ADAMTSL1: variants seen among roughly 807,000 people sequenced by gnomAD.
ADAMTSL1 encodes ADAMTS like 1.
In ADAMTSL1, 126 loss-of-function variants were observed where a neutral mutation model predicts 201.8. The observed-to-expected ratio is 0.62, with a 90% CI of 0.54 to 0.72. The LOEUF is 0.72. Among genes scored for constraint, ADAMTSL1 ranks in the 30% least tolerant of loss-of-function variants. The pLI is 0.00. For missense variants in ADAMTSL1, 2,679 were observed against 2,277.8 expected (o/e 1.18, Z -3.59); for synonymous variants, 1,121 against 903.4 (o/e 1.24, Z -4.32).
intron 1 of ADAMTSL1, among the ~76,000 whole-genome samples, chr9:18,156,733 A>G (rs1827170888): frequency 6.6e-6 from 1 of 151,926 alleles, no homozygotes; most frequent in African/African-American, 2.4e-5. Flanking sequence ...TCCACCTAGG[A>G]TTGGAGTACA....
chr9:18,820,972 T>A (rs1824174456), intron 21 of ADAMTSL1, among the ~76,000 whole-genome samples: 1 of 152,180 alleles, frequency 6.6e-6, no homozygotes, highest in African/African-American at 2.4e-5. Flanking sequence ...GGTGTGGCTA[T>A]AATATCAAGA....
intron 2 of ADAMTSL1, among the ~76,000 whole-genome samples, chr9:18,177,572 T>C (rs916386190): frequency 3.3e-5 from 5 of 152,190 alleles, no homozygotes; most frequent in African/African-American, 1.2e-4. Context: ...TATTCTACTT[T>C]CCTTCTAAGT....
At chr9:17,929,420 C>T (rs1826689062) in intron 1 of ADAMTSL1, among the ~76,000 whole-genome samples, 1 of 151,974 alleles carries the variant, frequency 6.6e-6, no homozygotes, top group African/African-American at 2.4e-5. Context: ...GCATTATTGC[C>T]CCCATTGAGA....
At chr9:18,404,971 A>T (rs1427207638) in intron 2 of ADAMTSL1, among the ~76,000 whole-genome samples, 1 of 151,980 alleles carries the variant, frequency 6.6e-6, no homozygotes, top group Non-Finnish European at 1.5e-5. Flanking sequence ...TTAGTCTGCC[A>T]TTGAGTCTGG....
intron 23 of ADAMTSL1, among the ~76,000 whole-genome samples, chr9:18,852,964 T>TGGTTGCC (rs1826593999): frequency 6.6e-6 from 1 of 152,198 alleles, no homozygotes; most frequent in Non-Finnish European, 1.5e-5. Flanking sequence ...TCTGGACCAC[T>TGGTTGCC]TGTGAAGCCT....
At chr9:18,388,156 T>C (rs72686877) in intron 2 of ADAMTSL1, among the ~76,000 whole-genome samples, 1 of 152,014 alleles carries the variant, frequency 6.6e-6, no homozygotes, top group South Asian at 2.1e-4. Context: ...ATTTTACACA[T>C]TTTTTTGTAA....
rs188654490 is a variant in ADAMTSL1 at position 17,989,013 on chromosome 9, C to A, written c.87+82091C>A. Among the ~76,000 whole-genome samples the A allele has an allele frequency of 4.6e-5, 7 of 151,878 alleles. No homozygotes were observed. In the East Asian group the frequency reaches 1.4e-3, roughly 29 times the overall value. ...AGGGTTTTCACATACTTCCAAGAAC[C>A]AATTTTCACCCTCTTGGAAAGTGAT... On this transcript the variant is annotated intron_variant, in intron 1 of 29. Coordinates refer to the ADAMTSL1 transcript ENST00000680146.
intron 2 of ADAMTSL1, among the ~76,000 whole-genome samples, chr9:18,379,603 G>A (rs927238396): frequency 3.9e-5 from 6 of 152,188 alleles, no homozygotes; most frequent in Admixed American, 3.9e-4. Context: ...ACCAGGACAG[G>A]CATGGATAGC....
intron 1 of ADAMTSL1, among the ~76,000 whole-genome samples, chr9:17,986,163 A>C (rs1475454920): frequency 6.6e-6 from 1 of 152,080 alleles, no homozygotes; most frequent in Non-Finnish European, 1.5e-5. Context: ...TAAGTACAGA[A>C]TGGTTTCCAA....
At chr9:18,146,679 G>A (rs1164961368) in intron 1 of ADAMTSL1, among the ~76,000 whole-genome samples, 1 of 152,114 alleles carries the variant, frequency 6.6e-6, no homozygotes, top group Non-Finnish European at 1.5e-5. Flanking sequence ...CAGGCTATCT[G>A]CAAGGCATAT....
At chr9:18,544,955 T>C (rs1443898746) in intron 3 of ADAMTSL1, among the ~76,000 whole-genome samples, 1 of 152,138 alleles carries the variant, frequency 6.6e-6, no homozygotes, top group African/African-American at 2.4e-5. Context: ...AATTATTAGA[T>C]TGAGAAAAGC....
intron 2 of ADAMTSL1, among the ~76,000 whole-genome samples, chr9:18,222,669 C>CT (rs1203584413): frequency 1.0e-4 from 14 of 135,794 alleles, no homozygotes; most frequent in African/African-American, 3.6e-4. Context: ...TTTGCCATTC[C>CT]TTTTTTCTTT....
chr9:18,041,759 A>G (rs992020721), intron 1 of ADAMTSL1, among the ~76,000 whole-genome samples: 1 of 152,166 alleles, frequency 6.6e-6, no homozygotes, highest in Non-Finnish European at 1.5e-5. Flanking sequence ...ATTTATAAAT[A>G]TTTTGTACAT....
At chr9:18,614,371 C>G (rs1159078546) in intron 4 of ADAMTSL1, among the ~76,000 whole-genome samples, 2 of 152,082 alleles carry the variant, frequency 1.3e-5, no homozygotes, top group African/African-American at 2.4e-5. Flanking sequence ...GCTATTCAGC[C>G]TAGACTTCAA....
intron 2 of ADAMTSL1, among the ~76,000 whole-genome samples, chr9:18,531,294 A>T (rs1249014454): frequency 6.6e-6 from 1 of 152,178 alleles, no homozygotes; most frequent in African/African-American, 2.4e-5. Flanking sequence ...TGACACCGTA[A>T]TGAGGGGTGG....
At chr9:18,031,808 C>G (rs1241124742) in intron 1 of ADAMTSL1, among the ~76,000 whole-genome samples, 3 of 152,178 alleles carry the variant, frequency 2.0e-5, no homozygotes, top group African/African-American at 7.2e-5. Context: ...CTGTAACTCC[C>G]CAGGAACCTG....
chr9:18,773,406 T>A (rs1324461167), intron 17 of ADAMTSL1, among the ~76,000 whole-genome samples: 1 of 151,630 alleles, frequency 6.6e-6, no homozygotes, highest in Non-Finnish European at 1.5e-5. Context: ...CCAAAAAAAA[T>A]TCTAAAAGAA....
rs192408470 is a variant in ADAMTSL1, at chr9:18,854,303, C to G, written c.4249+24326C>G. Among the ~76,000 whole-genome samples the G allele has an allele frequency of 1.5e-3, 224 of 152,276 alleles. 2 individuals carry two copies. The highest frequency in any genetic ancestry group is 5.0e-3 in the African/African-American group (209 of 41,552). On this transcript the variant is annotated intron_variant, in intron 23 of 28. Coordinates refer to ENST00000380548, the MANE Select transcript of ADAMTSL1 (RefSeq NM_001040272.6). ...GGTATTGGCATTGATATTGTTAATA[C>G]AACCGTAGGTTCCCTGAAAAAAGCA...
chr9:18,876,300 A>ATGTGTGTGTG (rs1828143325), intron 23 of ADAMTSL1, among the ~76,000 whole-genome samples: 5 of 47,492 alleles, frequency 1.1e-4, no homozygotes, highest in Non-Finnish European at 2.0e-4. Context: ...TTGCCTGAAT[A>ATGTGTGTGTG]CGTGTGTGTG....
Sources: allele counts gnomAD v4.1 joint callset (sites outside exome capture counted in the v4.1 genomes callset), GRCh38; gene constraint gnomAD v4.1.1; transcripts MANE v1.5; gene names NCBI Gene and HGNC (gene_info 2026-07-23, HGNC 2026-07-21).